DLC1: variants seen among roughly 807,000 people sequenced by gnomAD.
The protein encoded by DLC1 is DLC1 Rho GTPase activating protein.
DLC1 carries 54 observed loss-of-function variants against 140.3 expected under a neutral mutation model. The observed-to-expected ratio is 0.38, with a 90% confidence interval of 0.31 to 0.48. DLC1 has a LOEUF of 0.48. Among genes scored for constraint, DLC1 ranks in the 20% least tolerant of loss-of-function variants. The probability of loss-of-function intolerance (pLI) is 0.96; values close to 1 mark genes in which losing one functional copy is unlikely to be tolerated. For missense variants in DLC1, 2,536 were observed against 1,907.0 expected (o/e 1.33, Z -6.14); for synonymous variants, 986 against 728.1 (o/e 1.35, Z -5.70).
chr8:13,099,949 C>G lies in DLC1; in HGVS notation c.2388G>C (p.Lys796Asn). 6.2e-7 allele frequency: 1 copy of G among 1,613,292 alleles called. No homozygotes were observed. The highest frequency in any genetic ancestry group is 8.5e-7 in the Non-Finnish European group (1 of 1,180,038). Residue 796 changes from lysine (K) to asparagine (N), a missense_variant, in exon 9 of 18, where the codon AAG (lysine) becomes AAC (asparagine). Transcript: ENST00000276297. ...TFNNVVEQNF[K>N]NRESYPEDTV... ...TGTCCTCTGGGTAGCTCTCGCGGTTCTTAAAGTTCTGCTCCACCACGTTGT... is the reference window on the plus strand; with the variant it reads ...TGTCCTCTGGGTAGCTCTCGCGGTTGTTAAAGTTCTGCTCCACCACGTTGT...
chr8:13,290,299 T>C (rs1002647652), intron 5 of DLC1, among the ~76,000 whole-genome samples: 2 of 152,186 alleles, frequency 1.3e-5, no homozygotes, highest in African/African-American at 2.4e-5. Context: ...TTAGTGTTCA[T>C]AACAAGTCCC....
At chr8:13,458,616 T>C (rs1253291978) in intron 2 of DLC1, among the ~76,000 whole-genome samples, 1 of 152,190 alleles carries the variant, frequency 6.6e-6, no homozygotes, top group African/African-American at 2.4e-5. Flanking sequence ...TGATAGTAAG[T>C]CACTACTACA....
chr8:13,156,423 T>C (rs984655161), intron 5 of DLC1, among the ~76,000 whole-genome samples: 5 of 152,354 alleles, frequency 3.3e-5, no homozygotes, highest in Admixed American at 3.3e-4. Flanking sequence ...GCTTTTTATA[T>C]ATTAGCTCTC....
chr8:13,582,120 G>T (rs75010280), intron 1 of DLC1, among the ~76,000 whole-genome samples: 2,179 of 152,130 alleles, frequency 0.014, 54 homozygotes, highest in African/African-American at 0.051. Flanking sequence ...TTTTTCTATA[G>T]CCTCTGGAGG....
chr8:13,120,542 T>C (rs889086220), intron 5 of DLC1, among the ~76,000 whole-genome samples: 15 of 151,676 alleles, frequency 9.9e-5, no homozygotes, highest in African/African-American at 3.1e-4. Context: ...TTCCCTTCAA[T>C]GTATGTGGGT....
intron 1 of DLC1, among the ~76,000 whole-genome samples, chr8:13,546,660 G>T (rs1803658183): frequency 6.6e-6 from 1 of 152,128 alleles, no homozygotes; most frequent in Admixed American, 6.6e-5. Flanking sequence ...TTTTATTCCA[G>T]AATTCACTCA....
At chr8:13,528,237 A>C (rs1802982108) in intron 1 of DLC1, among the ~76,000 whole-genome samples, 1 of 152,156 alleles carries the variant, frequency 6.6e-6, no homozygotes, top group African/African-American at 2.4e-5. Context: ...TATTACTTCT[A>C]CACCCTGGTC....
intron 4 of DLC1, among the ~76,000 whole-genome samples, chr8:13,363,201 A>G (rs1486340407): frequency 3.3e-5 from 5 of 152,140 alleles, no homozygotes; most frequent in Non-Finnish European, 7.4e-5. Context: ...GTATTTCTGT[A>G]TTTTAATTTG....
intron 5 of DLC1, among the ~76,000 whole-genome samples, chr8:13,153,551 G>A (rs1296703672): frequency 6.6e-6 from 1 of 152,174 alleles, no homozygotes; most frequent in Non-Finnish European, 1.5e-5. Context: ...TCCCTTATGT[G>A]GTCCCACCCA....
chr8:13,157,822 C>G (rs1159756278), intron 5 of DLC1, among the ~76,000 whole-genome samples: 1 of 152,218 alleles, frequency 6.6e-6, no homozygotes, highest in Non-Finnish European at 1.5e-5. Context: ...TTCTTTTCCT[C>G]TTCCACTAGG....
At chr8:13,109,431 C>T (rs1200050019) in intron 7 of DLC1, among the ~76,000 whole-genome samples, 1 of 152,008 alleles carries the variant, frequency 6.6e-6, no homozygotes, top group African/African-American at 2.4e-5. Context: ...GTGGTGTGCA[C>T]CTGCAGTCCC....
At chr8:13,404,688 T>C (rs1055106070) in intron 2 of DLC1, among the ~76,000 whole-genome samples, 3 of 152,094 alleles carry the variant, frequency 2.0e-5, no homozygotes, top group African/African-American at 7.2e-5. Context: ...TTAGTATGAA[T>C]TGTAGATGTC....
chr8:13,435,088 T>A (rs1186313605), intron 2 of DLC1, among the ~76,000 whole-genome samples: 1 of 152,206 alleles, frequency 6.6e-6, no homozygotes, highest in East Asian at 1.9e-4. Flanking sequence ...TGGAAAGAAT[T>A]CACTATTCTA....
chr8:13,573,529 C>G (rs1804737560), intron 1 of DLC1, among the ~76,000 whole-genome samples: 1 of 152,100 alleles, frequency 6.6e-6, no homozygotes, highest in Non-Finnish European at 1.5e-5. Context: ...TTGTTTTGTT[C>G]CTGATCTTAG....
chr8:13,301,569 A>C (rs1176822580), intron 5 of DLC1, among the ~76,000 whole-genome samples: 1 of 152,198 alleles, frequency 6.6e-6, no homozygotes, highest in Non-Finnish European at 1.5e-5. Context: ...GGAGATGAGG[A>C]AGTTAAGTGA....
At chr8:13,324,197 T>A (rs1375050768) in intron 4 of DLC1, among the ~76,000 whole-genome samples, 1 of 152,220 alleles carries the variant, frequency 6.6e-6, no homozygotes, top group Non-Finnish European at 1.5e-5. Context: ...TTTCCAGAAA[T>A]ACCATTAAAA....
At chr8:13,388,555 G>A (rs868552336) in intron 4 of DLC1, among the ~76,000 whole-genome samples, 1 of 151,778 alleles carries the variant, frequency 6.6e-6, no homozygotes, top group Non-Finnish European at 1.5e-5. Flanking sequence ...TTACTAATTT[G>A]GTTCCCTTTA....
At position 13,094,733 on chromosome 8, in the gene DLC1, C is replaced by A. The variant is rs548205731; in HGVS notation, c.3526+26G>T. 5.0e-6 allele frequency: 8 copies of A among 1,613,246 alleles called. No homozygotes were observed. In the African/African-American group the frequency reaches 6.7e-5, roughly 13 times the overall value. The stretch of plus-strand genomic sequence containing the variant: ...TGGTCCCATTTTTCCCCAATGCCAA[C>A]AATCTTAAGATCAAAGGACACTCAC... On this transcript the variant is annotated intron_variant, in intron 12 of 17. Coordinates refer to ENST00000276297, the MANE Select transcript of DLC1 (RefSeq NM_182643.3).
At chr8:13,293,623 G>A (rs1831843585) in intron 5 of DLC1, among the ~76,000 whole-genome samples, 1 of 152,172 alleles carries the variant, frequency 6.6e-6, no homozygotes, top group Non-Finnish European at 1.5e-5. Flanking sequence ...GGAGGTTTCT[G>A]CTTTCAAGGA....
Sources: allele counts gnomAD v4.1 joint callset (sites outside exome capture counted in the v4.1 genomes callset), GRCh38; gene constraint gnomAD v4.1.1; transcripts MANE v1.5; gene names NCBI Gene and HGNC (gene_info 2026-07-23, HGNC 2026-07-21).